PTPRD: variants seen among roughly 807,000 people sequenced by gnomAD.
PTPRD encodes the protein receptor-type tyrosine-protein phosphatase delta.
Under a neutral mutation model 214.5 loss-of-function variants are expected in PTPRD, and 34 were observed. The ratio of observed to expected loss-of-function variants is 0.16; its 90% CI spans 0.12 to 0.21. The LOEUF (loss-of-function observed/expected upper bound fraction) is 0.21, where lower values mean the gene tolerates loss of function less well. PTPRD is among the 10% of genes least tolerant of loss of function. PTPRD has a pLI of 1.00. For missense variants in PTPRD, 2,545 were observed against 2,398.7 expected, an observed-to-expected ratio of 1.06 and a Z score of -1.27; for synonymous variants, 1,128 against 845.7, an observed-to-expected ratio of 1.33 and a Z score of -5.79.
At position 10,419,387 on chromosome 9, in the gene PTPRD, G is replaced by A. The variant is rs570527520; in HGVS notation, c.-599-78370C>T. On this transcript the variant is annotated intron_variant, in intron 2 of 45. Transcript: ENST00000381196. The stretch of plus-strand genomic sequence containing the variant: ...TTATCAGGGCTATAAAACAGTAGAA[G>A]GCATAGTTCCGTTCTTTTTACCTAA... Among the ~76,000 whole-genome samples, 377 of 151,824 alleles carry A rather than the reference G, an allele frequency of 2.5e-3. 2 individuals carry two copies. Among genetic ancestry groups the A allele is most frequent in the Non-Finnish European group, 2.6e-3 (176 of 67,880 alleles).
At chr9:10,366,635 C>A (rs1293481299) in intron 2 of PTPRD, among the ~76,000 whole-genome samples, 1 of 152,092 alleles carries the variant, frequency 6.6e-6, no homozygotes, top group Admixed American at 6.6e-5. Flanking sequence ...TAATTATAAT[C>A]ATGGGAATTC....
At chr9:8,838,577 C>T (rs549104455) in intron 11 of PTPRD, among the ~76,000 whole-genome samples, 11 of 150,890 alleles carry the variant, frequency 7.3e-5, no homozygotes, top group Non-Finnish European at 1.6e-4. Flanking sequence ...AGAGAGAAAA[C>T]AACTTATTGA....
chr9:9,020,756 G>A (rs1345380700), intron 10 of PTPRD, among the ~76,000 whole-genome samples: 3 of 152,264 alleles, frequency 2.0e-5, no homozygotes, highest in African/African-American at 7.2e-5. Context: ...CTGATTTTGA[G>A]AATTGCCAGC....
In PTPRD at chr9:10,263,307, A is replaced by C. The variant is rs143314560; in HGVS notation, c.-545+77656T>G. Among the ~76,000 whole-genome samples, 359 of 152,276 alleles carry C rather than the reference A, an allele frequency of 2.4e-3. 2 individuals are homozygous for C. Among genetic ancestry groups the C allele is most frequent in the African/African-American group, 8.4e-3 (348 of 41,558 alleles). ...TTTGGAAGGCTCAGAAGAAGACAGG[A>C]GTATGTGGGAAAGTTTGGAACTTCC... is the stretch of plus-strand genomic sequence containing the variant. On this transcript the variant is annotated intron_variant, in intron 3 of 45. Transcript: ENST00000381196.
intron 10 of PTPRD, among the ~76,000 whole-genome samples, chr9:9,180,688 T>G (rs372213321): frequency 1.3e-3 from 199 of 152,250 alleles, no homozygotes; most frequent in African/African-American, 4.6e-3. Context: ...GGAAAGAATT[T>G]CTTCTTTCTT....
intron 2 of PTPRD, among the ~76,000 whole-genome samples, chr9:10,348,654 G>A (rs567023598): frequency 8.2e-4 from 125 of 152,202 alleles, no homozygotes; most frequent in African/African-American, 2.7e-3. Flanking sequence ...TATAACATTT[G>A]TTACGTTATT....
At chr9:8,915,864 T>G (rs957657485) in intron 11 of PTPRD, among the ~76,000 whole-genome samples, 1 of 152,172 alleles carries the variant, frequency 6.6e-6, no homozygotes, top group African/African-American at 2.4e-5. Flanking sequence ...CCCTTAGAGA[T>G]TCACCCTGAA....
At chr9:10,052,601 G>C (rs1180990980) in intron 3 of PTPRD, among the ~76,000 whole-genome samples, 1 of 152,066 alleles carries the variant, frequency 6.6e-6, no homozygotes, top group African/African-American at 2.4e-5. Context: ...ACATGAGATG[G>C]TTATTACCAT....
Position 9,480,960 on chromosome 9 carries a change from A to G in PTPRD, c.-236-83478T>C, listed in dbSNP as rs1361761236. 2.0e-5 allele frequency among the ~76,000 whole-genome samples: 3 copies of G among 152,112 alleles called. No individual in the cohort carries two copies. The East Asian group carries it at 5.8e-4, about 29-fold the overall frequency. On this transcript the variant is annotated intron_variant, in intron 8 of 45. Transcript: ENST00000381196. Reference sequence around the variant, plus strand: ...CTACCCACTACCTGGGTCAACTTGGATAAGTTATTCTGTTTCTCTGGGCCC... The same window carrying G: ...CTACCCACTACCTGGGTCAACTTGGGTAAGTTATTCTGTTTCTCTGGGCCC...
intron 10 of PTPRD, among the ~76,000 whole-genome samples, chr9:9,119,680 C>T (rs966849588): frequency 6.6e-6 from 1 of 152,002 alleles, no homozygotes; most frequent in African/African-American, 2.4e-5. Context: ...CGTGCCACCA[C>T]ACCTGGCTGA....
chr9:10,511,821 A>T (rs2048138236), intron 2 of PTPRD, among the ~76,000 whole-genome samples: 1 of 146,906 alleles, frequency 6.8e-6, no homozygotes, highest in Non-Finnish European at 1.5e-5. Context: ...CTCCATATAC[A>T]TCTTATAAAA....
At chr9:9,787,840 G>A (rs1412918989) in intron 5 of PTPRD, among the ~76,000 whole-genome samples, 1 of 151,746 alleles carries the variant, frequency 6.6e-6, no homozygotes, top group African/African-American at 2.4e-5. Context: ...GGAGTGCAAT[G>A]GCGTGATCTC....
At chr9:8,925,252 AGCTACTTATTG>A (rs1178103653) in intron 11 of PTPRD, among the ~76,000 whole-genome samples, 5 of 152,068 alleles carry the variant, frequency 3.3e-5, no homozygotes, top group Non-Finnish European at 7.4e-5. Flanking sequence ...CCTTTTATGC[AGCTACTTATTG>A]GTCACCTTCC....
At chr9:8,507,740 TAATA>T (rs2137533936) in intron 21 of PTPRD, among the ~76,000 whole-genome samples, 1 of 152,304 alleles carries the variant, frequency 6.6e-6, no homozygotes, top group East Asian at 1.9e-4. Context: ...TGGTTGTTAG[TAATA>T]AATAATATAA....
At chr9:9,119,344 T>C (rs1482614795) in intron 10 of PTPRD, among the ~76,000 whole-genome samples, 1 of 151,738 alleles carries the variant, frequency 6.6e-6, no homozygotes, top group Non-Finnish European at 1.5e-5. Context: ...GTCTCAGAAA[T>C]CTGATTTAGC....
intron 4 of PTPRD, among the ~76,000 whole-genome samples, chr9:10,025,110 T>C (rs773901525): frequency 6.6e-6 from 1 of 152,036 alleles, no homozygotes; most frequent in Non-Finnish European, 1.5e-5. Context: ...TGTGTCTTTA[T>C]AGCAGCATGA....
chr9:9,302,594 T>G (rs952099191), intron 9 of PTPRD, among the ~76,000 whole-genome samples: 26 of 66,160 alleles, frequency 3.9e-4, no homozygotes, highest in Non-Finnish European at 4.2e-4. Context: ...TTTGTAGTTT[T>G]TTTTTTCTTT....
At chr9:10,117,446 G>T (rs912277191) in intron 3 of PTPRD, among the ~76,000 whole-genome samples, 3 of 152,036 alleles carry the variant, frequency 2.0e-5, no homozygotes, top group Admixed American at 2.0e-4. Flanking sequence ...AGTTCTGGAG[G>T]CTAGAAGTAC....
chr9:8,398,148 C>T (rs964386138), intron 36 of PTPRD, among the ~76,000 whole-genome samples: 1 of 152,144 alleles, frequency 6.6e-6, no homozygotes, highest in African/African-American at 2.4e-5. Flanking sequence ...TAATAAAATG[C>T]ATAACACTAA....
Sources: allele counts gnomAD v4.1 joint callset (sites outside exome capture counted in the v4.1 genomes callset), GRCh38; gene constraint gnomAD v4.1.1; transcripts MANE v1.5; gene names NCBI Gene and HGNC (gene_info 2026-07-23, HGNC 2026-07-21).